The following SKAP2 variants were observed in gnomAD, a reference collection of about 807,000 sequenced individuals.
The protein encoded by SKAP2 is src kinase-associated phosphoprotein 2.
SKAP2 carries 28 observed loss-of-function variants against 54.9 expected under a neutral mutation model. That is an observed-to-expected ratio of 0.51 (90% CI 0.38 to 0.70). The LOEUF is 0.70. SKAP2 is among the 30% of genes least tolerant of loss of function. The probability of loss-of-function intolerance (pLI) is 0.00; values close to 1 mark genes in which losing one functional copy is unlikely to be tolerated. For missense variants in SKAP2, 356 were observed against 424.1 expected (o/e 0.84, Z 1.41); for synonymous variants, 137 against 134.3 (o/e 1.02, Z -0.14).
At chr7:26,716,202 C>T (rs1787433524) in intron 9 of SKAP2, among the ~76,000 whole-genome samples, 1 of 151,900 alleles carries the variant, frequency 6.6e-6, no homozygotes, top group African/African-American at 2.4e-5. Flanking sequence ...TTTTTGCCTC[C>T]TTGGTCTATC....
At chr7:26,830,410 A>G (rs764747393) in intron 4 of SKAP2, among the ~76,000 whole-genome samples, 3 of 152,180 alleles carry the variant, frequency 2.0e-5, no homozygotes, top group Non-Finnish European at 4.4e-5. Flanking sequence ...ATGGTTAAAT[A>G]TATCTCAATA....
chr7:26,716,897 T>C (rs1787458522), intron 9 of SKAP2, among the ~76,000 whole-genome samples: 1 of 152,210 alleles, frequency 6.6e-6, no homozygotes, highest in Non-Finnish European at 1.5e-5. Context: ...CTAAATTTAG[T>C]TTTGCCTCTT....
At chr7:26,816,534 TGTA>T (rs1350292923) in intron 4 of SKAP2, among the ~76,000 whole-genome samples, 10 of 152,068 alleles carry the variant, frequency 6.6e-5, no homozygotes, top group African/African-American at 2.4e-4. Flanking sequence ...TTACTCTAGT[TGTA>T]GTAAGTCAGA....
At chr7:26,825,273 T>C (rs1398878884) in intron 4 of SKAP2, among the ~76,000 whole-genome samples, 1 of 152,182 alleles carries the variant, frequency 6.6e-6, no homozygotes, top group Admixed American at 6.5e-5. Flanking sequence ...TATCCTCCTT[T>C]TCCCCACCTT....
rs1415941558 is a variant in SKAP2, at chr7:26,668,142, G to C, written c.*1524C>G. On this transcript the variant is annotated 3_prime_UTR_variant, in exon 13 of 13. Coordinates refer to ENST00000345317, the MANE Select transcript of SKAP2 (RefSeq NM_003930.5). Reference sequence around the variant, plus strand: ...CCCTCTCAAACACTGCTTATAAACAGTTTTACACAAATAATGGAGATTTTA... The same window carrying C: ...CCCTCTCAAACACTGCTTATAAACACTTTTACACAAATAATGGAGATTTTA... The C allele has an allele frequency of 1.3e-5, 2 of 151,750 alleles. No homozygotes were observed. The highest frequency in any genetic ancestry group is 2.9e-5 in the Non-Finnish European group (2 of 67,978). 9.4% of individuals were successfully genotyped at this position (151,750 alleles called of 1,614,324 possible).
chr7:26,658,195 G>C, the SKAP2 span, among the ~76,000 whole-genome samples: 321 of 152,300 alleles, frequency 2.1e-3, 2 homozygotes, highest in African/African-American at 7.5e-3. Context: ...CCCTGCAGCG[G>C]GGTTTGCTCT....
chr7:26,687,966 G>A (rs888139039), intron 10 of SKAP2, among the ~76,000 whole-genome samples: 4 of 151,812 alleles, frequency 2.6e-5, no homozygotes, highest in Admixed American at 2.6e-4. Context: ...TTCTTGTCCT[G>A]AGAAGCATGA....
rs1167386167 is a variant in SKAP2 at position 26,825,768 on chromosome 7, G to A, written c.307+18262C>T. On this transcript the variant is annotated intron_variant, in intron 4 of 12. Transcript: ENST00000345317. ...TATAAATCAATTCAAAATTTAGCAT[G>A]CTAAATAATTATTTTAACCTACTGC... 2.0e-5 allele frequency among the ~76,000 whole-genome samples: 3 copies of A among 152,172 alleles called. 1 individual carries two copies. In the South Asian group the frequency reaches 6.2e-4, roughly 32 times the overall value.
intron 11 of SKAP2, among the ~76,000 whole-genome samples, chr7:26,681,966 T>A (rs1038672185): frequency 6.6e-6 from 1 of 152,092 alleles, no homozygotes; most frequent in African/African-American, 2.4e-5. Flanking sequence ...GTACAACAGC[T>A]GCAATTACCT....
chr7:26,814,326 A>T (rs187712186), intron 4 of SKAP2, among the ~76,000 whole-genome samples: 15 of 152,294 alleles, frequency 9.8e-5, no homozygotes, highest in Admixed American at 2.0e-4. Flanking sequence ...TCCAGTTGGC[A>T]CATGAATCAT....
intron 4 of SKAP2, among the ~76,000 whole-genome samples, chr7:26,809,900 T>C (rs1219908616): frequency 6.6e-6 from 1 of 152,208 alleles, no homozygotes; most frequent in Admixed American, 6.5e-5. Flanking sequence ...AGTATATGTA[T>C]AAAATGGAAT....
intron 4 of SKAP2, among the ~76,000 whole-genome samples, chr7:26,812,568 T>C (rs943651450): frequency 6.6e-6 from 1 of 152,180 alleles, no homozygotes; most frequent in Non-Finnish European, 1.5e-5. Context: ...ATCTTACAGA[T>C]GCCATTTCAT....
chr7:26,795,852 T>C (rs897132438), intron 4 of SKAP2, among the ~76,000 whole-genome samples: 1 of 152,214 alleles, frequency 6.6e-6, no homozygotes, highest in African/African-American at 2.4e-5. Context: ...GGCTCCTTGA[T>C]AAGTGCAAAT....
At chr7:26,810,871 G>C (rs776614350) in intron 4 of SKAP2, among the ~76,000 whole-genome samples, 8 of 151,992 alleles carry the variant, frequency 5.3e-5, no homozygotes, top group African/African-American at 1.7e-4. Context: ...TAGTAGAGAC[G>C]GGGTTTCACC....
intron 4 of SKAP2, among the ~76,000 whole-genome samples, chr7:26,776,887 C>G (rs1001127612): frequency 6.6e-6 from 1 of 152,136 alleles, no homozygotes; most frequent in African/African-American, 2.4e-5. Context: ...TATCTCTTGT[C>G]TACCTCTCCA....
chr7:26,774,486 G>C (rs535934365), intron 4 of SKAP2, among the ~76,000 whole-genome samples: 1 of 149,796 alleles, frequency 6.7e-6, no homozygotes. Context: ...GTGGAAGAAA[G>C]AACAAGATCA....
At chr7:26,783,991 C>CT (rs1783483782) in intron 4 of SKAP2, among the ~76,000 whole-genome samples, 3 of 151,124 alleles carry the variant, frequency 2.0e-5, no homozygotes. Flanking sequence ...AAAAAGAAAT[C>CT]TTATCTGAAC....
At chr7:26,701,704 G>A (rs368801907) in intron 9 of SKAP2, among the ~76,000 whole-genome samples, 3 of 151,960 alleles carry the variant, frequency 2.0e-5, no homozygotes, top group South Asian at 4.2e-4. Flanking sequence ...TGGCCTGGGC[G>A]ACAGAACAAG....
At chr7:26,848,975 AG>A (rs1185349504) in intron 3 of SKAP2, among the ~76,000 whole-genome samples, 1 of 152,222 alleles carries the variant, frequency 6.6e-6, no homozygotes, top group Non-Finnish European at 1.5e-5. Context: ...CTACTACTAC[AG>A]GTCCCATCAT....
Sources: gnomAD v4.1 joint callset for allele counts (sites outside exome capture counted in the v4.1 genomes callset) on GRCh38, gnomAD v4.1.1 for gene constraint, MANE v1.5 for transcripts, NCBI Gene and HGNC (gene_info 2026-07-23, HGNC 2026-07-21) for gene names.